JAZF1: variants seen among roughly 807,000 people sequenced by gnomAD.
JAZF1 encodes the protein juxtaposed with another zinc finger protein 1.
JAZF1 carries 8 observed loss-of-function variants against 26.4 expected under a neutral mutation model. The observed-to-expected ratio is 0.30, with a 90% CI of 0.18 to 0.55. The LOEUF is 0.55. JAZF1 is among the 20% of genes least tolerant of loss of function. The pLI is 0.94. For missense variants in JAZF1, 199 were observed against 322.0 expected, an observed-to-expected ratio of 0.62 and a Z score of 2.92; for synonymous variants, 126 against 122.3, an observed-to-expected ratio of 1.03 and a Z score of -0.20.
intron 1 of JAZF1, among the ~76,000 whole-genome samples, chr7:28,169,982 G>C (rs1393888397): frequency 1.3e-5 from 2 of 152,138 alleles, no homozygotes; most frequent in Non-Finnish European, 2.9e-5. Context: ...GACTTGATGT[G>C]TGCCTTCTCT....
rs117575362 is a variant in JAZF1 at position 27,949,297 on chromosome 7, C to T, written c.188+42612G>A. ...TGATCATGCTGTTCCTTGGGCTCCCCGTTTGACCTCCACCAGCCTTTCTAT... is the reference window on the plus strand; with the variant it reads ...TGATCATGCTGTTCCTTGGGCTCCCTGTTTGACCTCCACCAGCCTTTCTAT... On this transcript the variant is annotated intron_variant, in intron 2 of 4. Coordinates refer to ENST00000283928, the MANE Select transcript of JAZF1 (RefSeq NM_175061.4). 6.8e-3 allele frequency among the ~76,000 whole-genome samples: 1,042 copies of T among 152,326 alleles called. 2 individuals carry two copies. Among genetic ancestry groups the T allele is most frequent in the Middle Eastern group, 0.014 (4 of 294 alleles).
At chr7:28,019,563 T>C (rs948734379) in intron 1 of JAZF1, among the ~76,000 whole-genome samples, 1 of 152,076 alleles carries the variant, frequency 6.6e-6, no homozygotes, top group Non-Finnish European at 1.5e-5. Context: ...AACCACTTCA[T>C]GGAAATGTTA....
chr7:27,876,983 A>G (rs1300967218), intron 3 of JAZF1, among the ~76,000 whole-genome samples: 1 of 152,184 alleles, frequency 6.6e-6, no homozygotes, highest in Non-Finnish European at 1.5e-5. Flanking sequence ...TCTAGACAAG[A>G]GGGTTACTCT....
intron 3 of JAZF1, among the ~76,000 whole-genome samples, chr7:27,877,291 C>T (rs972663063): frequency 2.0e-5 from 3 of 152,190 alleles, no homozygotes; most frequent in Admixed American, 6.5e-5. Flanking sequence ...TATGGAAATA[C>T]CAAACTTTTT....
intron 1 of JAZF1, among the ~76,000 whole-genome samples, chr7:28,039,260 C>T (rs564781042): frequency 1.5e-4 from 23 of 152,122 alleles, no homozygotes; most frequent in South Asian, 4.2e-4. Flanking sequence ...CACGCACATG[C>T]GCACGTGCAT....
intron 2 of JAZF1, among the ~76,000 whole-genome samples, chr7:27,968,791 G>C (rs1490709384): frequency 6.6e-6 from 1 of 152,034 alleles, no homozygotes; most frequent in Non-Finnish European, 1.5e-5. Context: ...CACTGAATCT[G>C]GTTGGTGTTG....
intron 1 of JAZF1, among the ~76,000 whole-genome samples, chr7:28,105,503 C>T (rs543246811): frequency 2.6e-5 from 4 of 152,294 alleles, no homozygotes; most frequent in East Asian, 1.9e-4. Flanking sequence ...TTCAGGAATG[C>T]GCAGAGTTGA....
chr7:28,156,850 G>A (rs890227583), intron 1 of JAZF1, among the ~76,000 whole-genome samples: 2 of 152,294 alleles, frequency 1.3e-5, no homozygotes, highest in East Asian at 1.9e-4. Flanking sequence ...AGCAAGGGGG[G>A]AAATCATTCT....
At chr7:27,853,276 T>C (rs1783185167) in intron 3 of JAZF1, among the ~76,000 whole-genome samples, 2 of 152,240 alleles carry the variant, frequency 1.3e-5, no homozygotes, top group Admixed American at 6.5e-5. Flanking sequence ...AATGTTGTTT[T>C]GTTGGAACAT....
intron 1 of JAZF1, among the ~76,000 whole-genome samples, chr7:28,124,481 G>T (rs1299417206): frequency 5.9e-5 from 9 of 152,168 alleles, no homozygotes; most frequent in Admixed American, 5.9e-4. Context: ...CATCCTGGGT[G>T]TCATCTTCTC....
chr7:27,915,204 G>GGAGCTC (rs1414708767), intron 2 of JAZF1, among the ~76,000 whole-genome samples: 1 of 152,170 alleles, frequency 6.6e-6, no homozygotes, highest in Non-Finnish European at 1.5e-5. Flanking sequence ...TAAACAGGGA[G>GGAGCTC]GAGCTCAAGC....
intron 3 of JAZF1, among the ~76,000 whole-genome samples, chr7:27,851,745 A>G (rs979523827): frequency 6.6e-6 from 1 of 152,290 alleles, no homozygotes; most frequent in Admixed American, 6.5e-5. Flanking sequence ...AATGACTACC[A>G]AGCCTAAATT....
intron 3 of JAZF1, among the ~76,000 whole-genome samples, chr7:27,874,150 C>G (rs57065779): frequency 7.9e-5 from 12 of 152,302 alleles, no homozygotes; most frequent in African/African-American, 2.2e-4. Flanking sequence ...AAGGTCACTG[C>G]CCAGGAAGGC....
At chr7:27,837,497 T>A (rs1782837673) in intron 4 of JAZF1, among the ~76,000 whole-genome samples, 1 of 152,214 alleles carries the variant, frequency 6.6e-6, no homozygotes, top group South Asian at 2.1e-4. Context: ...AGACATGTGC[T>A]GGGTGCTGAG....
chr7:27,896,726 A>T (rs1470084599), intron 2 of JAZF1, among the ~76,000 whole-genome samples: 1 of 152,252 alleles, frequency 6.6e-6, no homozygotes, highest in African/African-American at 2.4e-5. Flanking sequence ...AAACAACAGT[A>T]ATACTGTTAC....
chr7:28,028,331 G>A (rs1394788440), intron 1 of JAZF1, among the ~76,000 whole-genome samples: 1 of 152,160 alleles, frequency 6.6e-6, no homozygotes, highest in Non-Finnish European at 1.5e-5. Context: ...AAAGACCAAG[G>A]AGCTCACTTG....
At chr7:27,859,903 G>A (rs1050496431) in intron 3 of JAZF1, among the ~76,000 whole-genome samples, 34 of 152,144 alleles carry the variant, frequency 2.2e-4, no homozygotes, top group Non-Finnish European at 4.6e-4. Context: ...TCAAATAAAA[G>A]TCTGTAAAGT....
chr7:28,096,860 G>C (rs976644224), intron 1 of JAZF1, among the ~76,000 whole-genome samples: 1 of 152,082 alleles, frequency 6.6e-6, no homozygotes, highest in African/African-American at 2.4e-5. Context: ...AAGTTCCTTC[G>C]TTTTTACAAA....
At chr7:27,845,738 T>A (rs961381494) in intron 3 of JAZF1, among the ~76,000 whole-genome samples, 24 of 148,936 alleles carry the variant, frequency 1.6e-4, no homozygotes, top group African/African-American at 5.2e-4. Context: ...AAAAGAAATT[T>A]TAAAAAAATG....
Sources: allele counts gnomAD v4.1 joint callset (sites outside exome capture counted in the v4.1 genomes callset), GRCh38; gene constraint gnomAD v4.1.1; transcripts MANE v1.5; gene names NCBI Gene and HGNC (gene_info 2026-07-23, HGNC 2026-07-21).